MFHAS1: variants seen among roughly 807,000 people sequenced by gnomAD.
MFHAS1 encodes the protein malignant fibrous histiocytoma-amplified sequence 1.
MFHAS1 carries 50 observed loss-of-function variants against 70.4 expected under a neutral mutation model. The ratio of observed to expected loss-of-function variants is 0.71; its 90% confidence interval spans 0.57 to 0.90. The LOEUF is 0.90. Ranked by LOEUF, MFHAS1 falls within the 40% of genes least tolerant of loss-of-function variation. The probability of loss-of-function intolerance (pLI) is 0.00; values close to 1 mark genes in which losing one functional copy is unlikely to be tolerated. For synonymous variants in MFHAS1, 952 were observed against 620.0 expected (o/e 1.54, Z -7.96); for missense variants, 1,795 against 1,347.6 (o/e 1.33, Z -5.20).
In MFHAS1 at chr8:8,890,146, C is replaced by T; in HGVS notation, c.2913G>A (p.Gln971=). Residue 971 remains glutamine (Q), a synonymous_variant, in exon 1 of 3, where the codon CAG becomes CAA. Coordinates refer to ENST00000276282, the MANE Select transcript of MFHAS1 (RefSeq NM_004225.3). ...PLVEELNVLL[Q]EWPGLHYTVH... ...CGGTGTAGTGCAGTCCAGGCCATTC[C>T]TGAAGTAGGACATTCAGTTCCTCCA... The T allele has an allele frequency of 6.2e-7, 1 of 1,614,188 alleles. No homozygotes were observed. The highest frequency in any genetic ancestry group is 2.2e-5 in the East Asian group (1 of 44,884).
chr8:8,806,075 A>G (rs191964101), intron 1 of MFHAS1, among the ~76,000 whole-genome samples: 259 of 152,158 alleles, frequency 1.7e-3, no homozygotes, highest in African/African-American at 5.9e-3. Flanking sequence ...ATTGTTCCCT[A>G]CGTCTTCCTC....
In MFHAS1 at chr8:8,856,479, T is replaced by C. The variant is rs371136620; in HGVS notation, c.2998+33582A>G. On this transcript the variant is annotated intron_variant, in intron 1 of 2. Coordinates refer to ENST00000276282, the MANE Select transcript of MFHAS1 (RefSeq NM_004225.3). ...TTCCTGTTGGAATTCCTCTGGAGTA[T>C]AAAAAAGAGGGCCTGACAATTGCCA... Among the ~76,000 whole-genome samples, 57 of 152,256 alleles carry C rather than the reference T, an allele frequency of 3.7e-4. 3 individuals carry two copies. Among genetic ancestry groups the C allele is most frequent in the Middle Eastern group, 6.8e-3 (2 of 294 alleles).
chr8:8,808,844 G>C (rs1806437186), intron 1 of MFHAS1, among the ~76,000 whole-genome samples: 1 of 152,202 alleles, frequency 6.6e-6, no homozygotes, highest in Admixed American at 6.5e-5. Flanking sequence ...GCAAATAAGG[G>C]TTGGAGGAAT....
chr8:8,819,794 G>C (rs1806886569), intron 1 of MFHAS1, among the ~76,000 whole-genome samples: 1 of 151,964 alleles, frequency 6.6e-6, no homozygotes, highest in Admixed American at 6.6e-5. Context: ...AGCCTCCCAG[G>C]CTCAAGCAAT....
chr8:8,873,052 A>G (rs1457758809), intron 1 of MFHAS1, among the ~76,000 whole-genome samples: 1 of 152,184 alleles, frequency 6.6e-6, no homozygotes, highest in East Asian at 1.9e-4. Flanking sequence ...CCCAGTTCTT[A>G]TTACTGTACC....
intron 1 of MFHAS1, among the ~76,000 whole-genome samples, chr8:8,798,876 A>C (rs1277586910): frequency 1.3e-5 from 2 of 151,968 alleles, no homozygotes; most frequent in Admixed American, 6.6e-5. Context: ...GTGAAACTCC[A>C]CATCTACTAA....
intron 1 of MFHAS1, among the ~76,000 whole-genome samples, chr8:8,851,771 C>G (rs1182649419): frequency 6.6e-6 from 1 of 152,040 alleles, no homozygotes; most frequent in Non-Finnish European, 1.5e-5. Flanking sequence ...TTAATCCAAC[C>G]AAAACACTTA....
intron 1 of MFHAS1, among the ~76,000 whole-genome samples, chr8:8,799,105 C>T (rs1026495032): frequency 6.6e-6 from 1 of 151,790 alleles, no homozygotes; most frequent in Non-Finnish European, 1.5e-5. Context: ...GAAGAGCAGT[C>T]CCCCCTTATC....
chr8:8,797,588 G>A (rs1805952547), intron 1 of MFHAS1, 97 bp from the exon 2 acceptor site: 4 of 1,357,710 alleles, frequency 2.9e-6, no homozygotes, highest in African/African-American at 2.9e-5. Context: ...GGCAGGGGGA[G>A]AAGGGCAGAG....
At chr8:8,824,760 G>A (rs1239270471) in intron 1 of MFHAS1, among the ~76,000 whole-genome samples, 1 of 152,078 alleles carries the variant, frequency 6.6e-6, no homozygotes, top group Non-Finnish European at 1.5e-5. Flanking sequence ...AGTGAGACAG[G>A]GTATCCATCA....
intron 2 of MFHAS1, among the ~76,000 whole-genome samples, chr8:8,791,772 T>C (rs926716269): frequency 1.3e-5 from 2 of 152,270 alleles, no homozygotes; most frequent in Admixed American, 1.3e-4. Context: ...ACCCCTGAAA[T>C]ATCTAGGGCC....
At chr8:8,858,421 T>C (rs1382461177) in intron 1 of MFHAS1, among the ~76,000 whole-genome samples, 2 of 152,148 alleles carry the variant, frequency 1.3e-5, no homozygotes. Flanking sequence ...TTTAAAATTA[T>C]ATTAAATGGC....
chr8:8,850,768 T>A (rs1481226907), intron 1 of MFHAS1, among the ~76,000 whole-genome samples: 2 of 133,896 alleles, frequency 1.5e-5, no homozygotes, highest in African/African-American at 2.9e-5. Flanking sequence ...AAGGTTACAG[T>A]GAGTGGCGAT....
chr8:8,892,403 A>C lies in MFHAS1; in HGVS notation c.656T>G (p.Leu219Arg). Residue 219 changes from leucine (L) to arginine (R), a missense_variant, in exon 1 of 3, where the codon CTG becomes CGG. Coordinates refer to ENST00000276282, the MANE Select transcript of MFHAS1 (RefSeq NM_004225.3). This position sits in a 1 kb window ranked among gnomAD's most constrained non-coding sequence, Gnocchi z 4.7. ...LDVSSNRLRG[L>R]PEDISALRAL... The stretch of plus-strand genomic sequence containing the variant: ...ACGCAGGGCACTGATATCCTCAGGC[A>C]GGCCCCGCAGCCGGTTGCTGGACAC... The C allele has an allele frequency of 1.2e-6, 2 of 1,612,988 alleles. No homozygotes were observed. Among genetic ancestry groups the C allele is most frequent in the Non-Finnish European group, 1.7e-6 (2 of 1,179,836 alleles).
At chr8:8,871,655 A>T (rs755111446) in intron 1 of MFHAS1, among the ~76,000 whole-genome samples, 4 of 152,168 alleles carry the variant, frequency 2.6e-5, no homozygotes, top group Admixed American at 2.6e-4. Flanking sequence ...GGGAACTGTT[A>T]GAATTATTTT....
chr8:8,892,846 C>A lies in MFHAS1; in HGVS notation c.213G>T (p.Gly71=), dbSNP rs1180834195. ...CGGGTACCTCCTCCAGGCCGTTGTT[C>A]CCCAGGTTCAGTGCCTCAATGTCCC... The part of the protein sequence containing the change: ...NLGDIEALNL[G]NNGLEEVPEG... Residue 71 remains glycine (G), a synonymous_variant, in exon 1 of 3, where the codon GGG becomes GGT. Coordinates refer to ENST00000276282, the MANE Select transcript of MFHAS1 (RefSeq NM_004225.3). This position sits in a 1 kb window ranked among gnomAD's most constrained non-coding sequence, Gnocchi z 4.7. 1 of 1,597,294 alleles carries A rather than the reference C, an allele frequency of 6.3e-7. No homozygotes were observed. Among genetic ancestry groups the A allele is most frequent in the Non-Finnish European group, 8.5e-7 (1 of 1,172,536 alleles).
chr8:8,873,531 C>G (rs113958295), intron 1 of MFHAS1, among the ~76,000 whole-genome samples: 5 of 150,196 alleles, frequency 3.3e-5, no homozygotes, highest in Non-Finnish European at 3.0e-5. Flanking sequence ...GTTACACCCA[C>G]TCTTTCTTCA....
At chr8:8,886,130 A>G (rs765573341) in intron 1 of MFHAS1, among the ~76,000 whole-genome samples, 4 of 152,074 alleles carry the variant, frequency 2.6e-5, no homozygotes, top group Non-Finnish European at 5.9e-5. Flanking sequence ...AATGTGATTT[A>G]TTTTTACAAA....
intron 1 of MFHAS1, among the ~76,000 whole-genome samples, chr8:8,874,951 A>G (rs539687970): frequency 7.2e-4 from 110 of 152,122 alleles, no homozygotes; most frequent in Non-Finnish European, 2.1e-4. Flanking sequence ...AGAAGATGTT[A>G]TTAGAGGATT....
Sources: gnomAD v4.1 joint callset for allele counts (sites outside exome capture counted in the v4.1 genomes callset) on GRCh38, gnomAD v4.1.1 for gene constraint, Gnocchi (gnomAD v3.1) non-coding constraint, MANE v1.5 for transcripts, NCBI Gene and HGNC (gene_info 2026-07-23, HGNC 2026-07-21) for gene names.